The following CHLSN variants were observed in gnomAD, a reference collection of about 807,000 sequenced individuals.
CHLSN encodes cholesin.
chr7:1,054,171 T>C, the CHLSN span, among the ~76,000 whole-genome samples: 2 of 152,152 alleles, frequency 1.3e-5, no homozygotes, highest in Non-Finnish European at 2.9e-5. Flanking sequence ...GATCTCCAGG[T>C]AATGCCTGGT....
At chr7:1,031,305 G>A in the CHLSN span, among the ~76,000 whole-genome samples, 1 of 152,216 alleles carries the variant, frequency 6.6e-6, no homozygotes, top group Non-Finnish European at 1.5e-5. Flanking sequence ...ATTTAAAATG[G>A]TTGGGGGAGG....
the CHLSN span, among the ~76,000 whole-genome samples, chr7:1,051,418 A>G: frequency 6.6e-6 from 1 of 152,224 alleles, no homozygotes; most frequent in Non-Finnish European, 1.5e-5. Flanking sequence ...CGTGGGGAGC[A>G]CATTTGCTCA....
chr7:985,064 T>G, the CHLSN span: 1 of 1,612,454 alleles, frequency 6.2e-7, no homozygotes, highest in East Asian at 2.2e-5. Flanking sequence ...CTGCAGGAGC[T>G]GAAATGCCTC....
the CHLSN span, among the ~76,000 whole-genome samples, chr7:1,090,936 A>C: frequency 2.0e-5 from 3 of 152,008 alleles, no homozygotes; most frequent in Non-Finnish European, 4.4e-5. Context: ...ATCGTAAGAG[A>C]AGATTCTGCT....
the CHLSN span, among the ~76,000 whole-genome samples, chr7:1,064,851 C>T: frequency 1.3e-5 from 2 of 152,216 alleles, no homozygotes; most frequent in Admixed American, 1.3e-4. Context: ...CAGCCCACCC[C>T]ACACTCAGGG....
the CHLSN span, among the ~76,000 whole-genome samples, chr7:1,013,803 G>C: frequency 6.6e-6 from 1 of 152,208 alleles, no homozygotes; most frequent in Non-Finnish European, 1.5e-5. Context: ...TGCTAGGACA[G>C]TCTTCAGCAT....
chr7:1,055,918 C>T, the CHLSN span, among the ~76,000 whole-genome samples: 13 of 152,306 alleles, frequency 8.5e-5, no homozygotes, highest in East Asian at 1.9e-4. Flanking sequence ...TGGGGGGTGA[C>T]GTCCCCAAAC....
the CHLSN span, among the ~76,000 whole-genome samples, chr7:1,011,225 C>G: frequency 6.8e-6 from 1 of 147,660 alleles, no homozygotes; most frequent in Non-Finnish European, 1.5e-5. Flanking sequence ...CATACCCACA[C>G]CCACAGACAC....
chr7:1,118,965 C>T, the CHLSN span, among the ~76,000 whole-genome samples: 1 of 151,118 alleles, frequency 6.6e-6, no homozygotes. Flanking sequence ...AAAAAATAGG[C>T]TATTGTGGGC....
chr7:1,015,243 G>A, the CHLSN span, among the ~76,000 whole-genome samples: 1 of 152,136 alleles, frequency 6.6e-6, no homozygotes, highest in African/African-American at 2.4e-5. Flanking sequence ...TCGGGAAGAG[G>A]CGTGGCCTCC....
At chr7:1,127,354 A>G in the CHLSN span, 1 of 1,607,522 alleles carries the variant, frequency 6.2e-7, no homozygotes, top group Non-Finnish European at 8.5e-7. Context: ...TTTCTCTGTC[A>G]CTTCAGGAAC....
the CHLSN span, among the ~76,000 whole-genome samples, chr7:1,132,664 A>G: frequency 6.7e-6 from 1 of 148,658 alleles, no homozygotes; most frequent in Non-Finnish European, 1.5e-5. Flanking sequence ...ACTGCAACCC[A>G]GCCTGGACAA....
At chr7:983,705 G>C in the CHLSN span, among the ~76,000 whole-genome samples, 5 of 152,358 alleles carry the variant, frequency 3.3e-5, no homozygotes, top group African/African-American at 1.2e-4. Context: ...AGGGACAGCA[G>C]AGGGGAGGAG....
At chr7:1,033,150 A>C in the CHLSN span, among the ~76,000 whole-genome samples, 6 of 152,338 alleles carry the variant, frequency 3.9e-5, no homozygotes, top group African/African-American at 1.2e-4. Flanking sequence ...CTACGGACTA[A>C]TATCCCTCAT....
chr7:985,106 A>AG, the CHLSN span: 15 of 1,611,192 alleles, frequency 9.3e-6, no homozygotes, highest in Non-Finnish European at 1.2e-5. Flanking sequence ...AGAGGTGAGC[A>AG]GGGGGCCGGG....
the CHLSN span, among the ~76,000 whole-genome samples, chr7:1,135,974 T>C: frequency 1.6e-5 from 2 of 126,584 alleles, no homozygotes; most frequent in African/African-American, 3.1e-5. Context: ...TATAAGTATA[T>C]ATAAATATAT....
chr7:1,062,950 C>A, the CHLSN span, among the ~76,000 whole-genome samples: 2 of 152,198 alleles, frequency 1.3e-5, no homozygotes. Context: ...AACCCCCTAA[C>A]CACCCTAACC....
chr7:1,002,398 A>G, the CHLSN span, among the ~76,000 whole-genome samples: 1 of 71,118 alleles, frequency 1.4e-5, no homozygotes, highest in Non-Finnish European at 2.7e-5. Context: ...CCTGTGGGTG[A>G]GTGGAGTCCT....
chr7:1,014,515 C>T, the CHLSN span, among the ~76,000 whole-genome samples: 1,847 of 152,362 alleles, frequency 0.012, 36 homozygotes, highest in African/African-American at 0.038. Context: ...ACTGGCTCTT[C>T]CTGGAGATGT....
Sources: allele counts gnomAD v4.1 joint callset (sites outside exome capture counted in the v4.1 genomes callset), GRCh38; gene constraint gnomAD v4.1.1; transcripts MANE v1.5; gene names NCBI Gene and HGNC (gene_info 2026-07-23, HGNC 2026-07-21).